MACROD2: variants seen among roughly 807,000 people sequenced by gnomAD.
MACROD2 encodes the protein ADP-ribose glycohydrolase MACROD2.
MACROD2 carries 36 observed loss-of-function variants against 70.4 expected under a neutral mutation model. The observed-to-expected ratio is 0.51, with a 90% confidence interval of 0.39 to 0.68. MACROD2 has a LOEUF of 0.68. Among genes scored for constraint, MACROD2 ranks in the 30% least tolerant of loss-of-function variants. The pLI, the probability that MACROD2 is intolerant of heterozygous loss-of-function variation, is 0.00. For synonymous variants in MACROD2, 172 were observed against 178.8 expected, an observed-to-expected ratio of 0.96 and a Z score of 0.30; for missense variants, 496 against 538.4, an observed-to-expected ratio of 0.92 and a Z score of 0.78.
intron 8 of MACROD2, among the ~76,000 whole-genome samples, chr20:15,815,149 G>A (rs764141130): frequency 2.1e-4 from 32 of 152,140 alleles, no homozygotes; most frequent in Non-Finnish European, 4.0e-4. Flanking sequence ...TTCAAGTGCT[G>A]GACATGGAAA....
chr20:14,065,532 G>A (rs1422921146), intron 2 of MACROD2, among the ~76,000 whole-genome samples: 1 of 152,140 alleles, frequency 6.6e-6, no homozygotes, highest in African/African-American at 2.4e-5. Context: ...AAGTGATTCT[G>A]CCTCAACTCA....
chr20:14,008,675 A>C (rs993016393), intron 2 of MACROD2, among the ~76,000 whole-genome samples: 1 of 152,206 alleles, frequency 6.6e-6, no homozygotes, highest in Non-Finnish European at 1.5e-5. Flanking sequence ...GTCCTAAGCA[A>C]AAAGAACAAA....
At chr20:15,592,649 A>G (rs2048694479) in intron 8 of MACROD2, among the ~76,000 whole-genome samples, 1 of 152,232 alleles carries the variant, frequency 6.6e-6, no homozygotes, top group Non-Finnish European at 1.5e-5. Context: ...AGGAAAGTAT[A>G]AAAGCAAGAG....
At chr20:16,041,999 T>C (rs2067314083) in intron 16 of MACROD2, among the ~76,000 whole-genome samples, 1 of 152,040 alleles carries the variant, frequency 6.6e-6, no homozygotes, top group Admixed American at 6.6e-5. Flanking sequence ...ATTGGTTAGG[T>C]GGTCAGTCAT....
At chr20:14,561,449 C>G (rs1468668552) in intron 4 of MACROD2, among the ~76,000 whole-genome samples, 1 of 151,762 alleles carries the variant, frequency 6.6e-6, no homozygotes, top group Non-Finnish European at 1.5e-5. Flanking sequence ...TTTCTATTGT[C>G]ATGAGCTTTT....
At chr20:15,226,370 T>C (rs370139697) in intron 5 of MACROD2, among the ~76,000 whole-genome samples, 263 of 152,324 alleles carry the variant, frequency 1.7e-3, no homozygotes, top group South Asian at 0.017. Context: ...TACCATTTCT[T>C]GAGCCTTCCT....
rs150400740 is a variant in MACROD2 at position 15,142,716 on chromosome 20, G to C, written c.419-87224G>C. Among the ~76,000 whole-genome samples the C allele has an allele frequency of 4.8e-5, 7 of 146,704 alleles. No individual in the cohort carries two copies. The East Asian group carries it at 1.4e-3, about 30-fold the overall frequency. The stretch of plus-strand genomic sequence containing the variant: ...GTGATGTTCCCCACCCTGTGCCCGA[G>C]TGTTCTCATTGTTCAGTTCCCACCT... On this transcript the variant is annotated intron_variant, in intron 5 of 17. Coordinates refer to ENST00000684519, the MANE Select transcript of MACROD2 (RefSeq NM_001351661.2).
intron 7 of MACROD2, among the ~76,000 whole-genome samples, chr20:15,481,967 T>TA (rs372545991): frequency 3.5e-4 from 54 of 152,228 alleles, no homozygotes; most frequent in African/African-American, 1.3e-3. Context: ...AGAACAGCAT[T>TA]GGGGGGTTTG....
chr20:15,909,668 C>T (rs1032122157), intron 10 of MACROD2, among the ~76,000 whole-genome samples: 4 of 151,434 alleles, frequency 2.6e-5, no homozygotes, highest in Admixed American at 2.0e-4. Context: ...GGACTACAGG[C>T]GCCCGCCACT....
intron 15 of MACROD2, among the ~76,000 whole-genome samples, chr20:16,016,887 C>T (rs1601328452): frequency 6.6e-6 from 1 of 152,100 alleles, no homozygotes; most frequent in Non-Finnish European, 1.5e-5. Context: ...TCCCTTTATC[C>T]CAAACATCCA....
At chr20:14,850,501 C>T in intron 5 of MACROD2, 1 of 152,988 alleles carries the variant, frequency 6.5e-6, no homozygotes, top group Admixed American at 6.5e-5. Context: ...GATTTGTTTG[C>T]CACTGTTGTA....
intron 3 of MACROD2, among the ~76,000 whole-genome samples, chr20:14,178,088 A>G (rs1261170198): frequency 6.6e-6 from 1 of 152,192 alleles, no homozygotes; most frequent in Non-Finnish European, 1.5e-5. Flanking sequence ...GGAAATATTC[A>G]CAACATCTAG....
intron 3 of MACROD2, among the ~76,000 whole-genome samples, chr20:14,213,578 C>T (rs1278211948): frequency 6.6e-6 from 1 of 151,544 alleles, no homozygotes; most frequent in African/African-American, 2.4e-5. Flanking sequence ...TGAGAGTTGG[C>T]AAATCTTACC....
At chr20:14,932,695 A>G (rs1193561922) in intron 5 of MACROD2, among the ~76,000 whole-genome samples, 1 of 151,972 alleles carries the variant, frequency 6.6e-6, no homozygotes, top group Non-Finnish European at 1.5e-5. Context: ...CCTCCCAAGT[A>G]GCTGGGACTA....
At chr20:14,470,189 C>T (rs1219513061) in intron 3 of MACROD2, among the ~76,000 whole-genome samples, 1 of 152,150 alleles carries the variant, frequency 6.6e-6, no homozygotes, top group Non-Finnish European at 1.5e-5. Flanking sequence ...GGCTCCTCTG[C>T]TGCACGTCTG....
chr20:15,285,266 A>G (rs1030941848), intron 6 of MACROD2, among the ~76,000 whole-genome samples: 11 of 152,228 alleles, frequency 7.2e-5, no homozygotes, highest in Non-Finnish European at 1.3e-4. Context: ...AATTTTGTCT[A>G]ATAGAAATGT....
At chr20:14,239,026 CAAAAAAAAA>C (rs55763322) in intron 3 of MACROD2, among the ~76,000 whole-genome samples, 8 of 82,400 alleles carry the variant, frequency 9.7e-5, no homozygotes, top group African/African-American at 3.3e-4. Flanking sequence ...GACTCCGTCT[CAAAAAAAAA>C]AAAAAAAAAA....
intron 8 of MACROD2, among the ~76,000 whole-genome samples, chr20:15,685,772 C>T (rs571080980): frequency 8.5e-5 from 13 of 152,308 alleles, no homozygotes; most frequent in Non-Finnish European, 1.9e-4. Context: ...TTCCTGTGAC[C>T]TTTTCCAGCC....
chr20:14,230,654 T>TATATATATATATATATATAAA, intron 3 of MACROD2, among the ~76,000 whole-genome samples: 3 of 74,242 alleles, frequency 4.0e-5, no homozygotes, highest in African/African-American at 1.3e-4. Context: ...TATATATATA[T>TATATATATATATATATATAAA]AACACAGGCT....
Sources: allele counts gnomAD v4.1 joint callset (sites outside exome capture counted in the v4.1 genomes callset), GRCh38; gene constraint gnomAD v4.1.1; transcripts MANE v1.5; gene names NCBI Gene and HGNC (gene_info 2026-07-23, HGNC 2026-07-21).